Variants in AHCY observed in about 807,000 individuals in gnomAD.
AHCY encodes S-adenosyl-L-homocysteine hydrolase.
In AHCY, 24 loss-of-function variants were observed where a neutral mutation model predicts 45.4. That is an observed-to-expected ratio of 0.53 (90% CI 0.38 to 0.74). AHCY has a LOEUF of 0.74. Among genes scored for constraint, AHCY ranks in the 30% least tolerant of loss-of-function variants. AHCY has a pLI of 0.00. For synonymous variants in AHCY, 245 were observed against 235.1 expected, an observed-to-expected ratio of 1.04 and a Z score of -0.39; for missense variants, 449 against 594.1, an observed-to-expected ratio of 0.76 and a Z score of 2.54.
chr20:34,247,467 A>T, the AHCY span, among the ~76,000 whole-genome samples: 5 of 150,844 alleles, frequency 3.3e-5, no homozygotes, highest in East Asian at 9.9e-4. Flanking sequence ...CGCCCAGCTA[A>T]TTTTTGTATT....
At position 34,292,448 on chromosome 20, in the gene AHCY, A is replaced by C; in HGVS notation, c.355T>G (p.Tyr119Asp). 1 of 1,614,112 alleles carries C rather than the reference A, an allele frequency of 6.2e-7. No homozygotes were observed. The highest frequency in any genetic ancestry group is 8.5e-7 in the Non-Finnish European group (1 of 1,180,036). ...ATGTTGAGGGGCCCGTCCTTGAAGT[A>C]CAGGGTCTGCTCAATGCACCACAGG... is the stretch of plus-strand genomic sequence containing the variant. ...EYLWCIEQTL[Y>D]FKDGPLNMIL... The change falls in exon 4 of 10, where the codon TAC (tyrosine) becomes GAC (aspartate). Residue 119 changes from tyrosine to aspartate, a missense_variant. Transcript: ENST00000217426.
At chr20:34,295,193 GC>G in intron 2 of AHCY, 1 of 715,340 alleles carries the variant, frequency 1.4e-6, no homozygotes, top group Non-Finnish European at 2.4e-6. Flanking sequence ...GACCTTCCCA[GC>G]CAGGGAGAAA....
intron 1 of AHCY, chr20:34,311,355 G>C (rs1302250202): frequency 6.6e-6 from 1 of 152,260 alleles, no homozygotes; most frequent in Non-Finnish European, 1.5e-5. Flanking sequence ...AGCTGCCCTG[G>C]ACGTTAACTG....
intron 1 of AHCY, among the ~76,000 whole-genome samples, chr20:34,300,266 C>T (rs1338386598): frequency 1.3e-5 from 2 of 152,206 alleles, no homozygotes; most frequent in Admixed American, 6.5e-5. Flanking sequence ...CATGCTCTAA[C>T]ATGCCATTCT....
chr20:34,246,335 A>G, the AHCY span: 1 of 1,546,628 alleles, frequency 6.5e-7, no homozygotes, highest in Non-Finnish European at 8.7e-7. Flanking sequence ...TGAATTTTCT[A>G]CAGTAAATTT....
intron 1 of AHCY, chr20:34,302,934 C>G: frequency 4.1e-6 from 4 of 985,464 alleles, no homozygotes; most frequent in Non-Finnish European, 4.8e-6. Context: ...CGGCAGGTGC[C>G]AGCCGTCCCA....
the AHCY span, among the ~76,000 whole-genome samples, chr20:34,261,335 C>T: frequency 3.3e-5 from 5 of 151,948 alleles, no homozygotes; most frequent in African/African-American, 1.2e-4. Context: ...CCCGTCTCTA[C>T]AGAAAAATTT....
the AHCY span, among the ~76,000 whole-genome samples, chr20:34,238,379 A>G: frequency 6.6e-6 from 1 of 152,054 alleles, no homozygotes; most frequent in South Asian, 2.1e-4. Flanking sequence ...AGTAATTTTC[A>G]TGGTTCTATC....
the AHCY span, among the ~76,000 whole-genome samples, chr20:34,237,501 T>C: frequency 1.3e-5 from 2 of 152,230 alleles, no homozygotes; most frequent in African/African-American, 4.8e-5. Context: ...GATATAACTT[T>C]GTATCCTGCT....
chr20:34,291,854 A>G (rs991408054), intron 4 of AHCY, among the ~76,000 whole-genome samples: 2 of 152,150 alleles, frequency 1.3e-5, no homozygotes, highest in Admixed American at 1.3e-4. Flanking sequence ...GCCATTTCTA[A>G]CATGTATCTT....
At chr20:34,289,089 T>C (rs1318598242) in intron 8 of AHCY, among the ~76,000 whole-genome samples, 5 of 151,652 alleles carry the variant, frequency 3.3e-5, no homozygotes, top group Admixed American at 1.3e-4. Context: ...CTGCAACCTC[T>C]GCCTACCACG....
chr20:34,245,841 AAT>A, the AHCY span: 248 of 764,668 alleles, frequency 3.2e-4, no homozygotes, highest in Middle Eastern at 1.8e-3. Flanking sequence ...TTTACTGTAG[AAT>A]ATATATATAT....
At chr20:34,252,764 G>A in the AHCY span, among the ~76,000 whole-genome samples, 2 of 152,258 alleles carry the variant, frequency 1.3e-5, no homozygotes, top group East Asian at 3.9e-4. Context: ...CTGTCTCAGT[G>A]GGGGGAAACC....
At chr20:34,243,982 G>A in the AHCY span, among the ~76,000 whole-genome samples, 2 of 152,028 alleles carry the variant, frequency 1.3e-5, no homozygotes, top group Middle Eastern at 3.2e-3. Context: ...GGAGAATGGC[G>A]TGAACCCGGG....
the AHCY span, among the ~76,000 whole-genome samples, chr20:34,258,107 G>T: frequency 3.3e-5 from 5 of 151,740 alleles, no homozygotes; most frequent in East Asian, 7.7e-4. Flanking sequence ...TCGCACCACT[G>T]CACTCCATCC....
the AHCY span, among the ~76,000 whole-genome samples, chr20:34,235,846 AAGGAAGGAAGGAAG>A: frequency 2.2e-5 from 1 of 45,580 alleles, no homozygotes; most frequent in African/African-American, 3.0e-4. Context: ...AGAAAGAAGG[AAGGAAGGAAGGAAG>A]GAAGGAAAGG....
At chr20:34,298,597 G>GGCA (rs2036656015) in intron 1 of AHCY, among the ~76,000 whole-genome samples, 1 of 138,348 alleles carries the variant, frequency 7.2e-6, no homozygotes, top group African/African-American at 3.1e-5. Context: ...ACTGGGAAGT[G>GGCA]GCGGCGGCGG....
chr20:34,243,949 C>T, the AHCY span, among the ~76,000 whole-genome samples: 1 of 152,092 alleles, frequency 6.6e-6, no homozygotes, highest in Non-Finnish European at 1.5e-5. Flanking sequence ...CCTGTAGTCC[C>T]AGCTACTCAG....
the AHCY span, among the ~76,000 whole-genome samples, chr20:34,261,974 G>A: frequency 6.6e-6 from 1 of 151,170 alleles, no homozygotes; most frequent in East Asian, 2.0e-4. Context: ...TTAGCCAGGT[G>A]TGGTGGTACA....
Sources: gnomAD v4.1 joint callset for allele counts (sites outside exome capture counted in the v4.1 genomes callset) on GRCh38, gnomAD v4.1.1 for gene constraint, MANE v1.5 for transcripts, NCBI Gene and HGNC (gene_info 2026-07-23, HGNC 2026-07-21) for gene names.